Variants in MBNL2 observed in about 807,000 individuals in gnomAD.
MBNL2 encodes the protein muscleblind like splicing regulator 2, also known as muscleblind-like protein 2.
MBNL2 carries 17 observed loss-of-function variants against 41.9 expected under a neutral mutation model. The observed-to-expected ratio is 0.41, with a 90% CI of 0.28 to 0.61. MBNL2 has a LOEUF of 0.61. Ranked by LOEUF, MBNL2 falls within the 20% of genes least tolerant of loss-of-function variation. The pLI is 0.35. For synonymous variants in MBNL2, 195 were observed against 182.9 expected, an observed-to-expected ratio of 1.07 and a Z score of -0.53; for missense variants, 336 against 505.6, an observed-to-expected ratio of 0.66 and a Z score of 3.22.
chr13:97,320,322 C>T (rs1202485864), intron 2 of MBNL2, among the ~76,000 whole-genome samples: 3 of 149,190 alleles, frequency 2.0e-5, no homozygotes, highest in African/African-American at 5.0e-5. Context: ...TGCAATGGTG[C>T]GATCTCGGCT....
At chr13:97,312,829 T>C (rs887025401) in intron 2 of MBNL2, among the ~76,000 whole-genome samples, 2 of 152,250 alleles carry the variant, frequency 1.3e-5, no homozygotes, top group African/African-American at 2.4e-5. Context: ...GAACACACTT[T>C]ACAAAAATTA....
intron 1 of MBNL2, among the ~76,000 whole-genome samples, chr13:97,266,166 T>G (rs1387115742): frequency 6.6e-6 from 1 of 151,980 alleles, no homozygotes; most frequent in Non-Finnish European, 1.5e-5. Context: ...CACTTGAACC[T>G]GGGAGGCGGA....
rs2063827965 is a variant in MBNL2, at chr13:97,366,184, T to C, written c.1048+1013T>C. 6.6e-6 allele frequency among the ~76,000 whole-genome samples: 1 copy of C among 152,236 alleles called. No individual in the cohort carries two copies. The highest frequency in any genetic ancestry group is 1.5e-5 in the Non-Finnish European group (1 of 68,028). On this transcript the variant is annotated intron_variant, in intron 8 of 8. Coordinates refer to ENST00000679496, the MANE Select transcript of MBNL2 (RefSeq NM_001382683.1). The surrounding 1 kb of genome is among the most constrained non-coding windows in gnomAD (Gnocchi z 4.7). ...AATGGATCTATTGTTAGAAATAAAA[T>C]GTTTATAAATACATCAACCAAAGTA...
intron 1 of MBNL2, among the ~76,000 whole-genome samples, chr13:97,273,297 C>T (rs960714144): frequency 4.6e-5 from 7 of 152,126 alleles, no homozygotes; most frequent in Non-Finnish European, 1.0e-4. Context: ...AGAAATATGT[C>T]CTTGTCCTTT....
intron 2 of MBNL2, among the ~76,000 whole-genome samples, chr13:97,307,854 G>A (rs1015857810): frequency 1.3e-5 from 2 of 152,144 alleles, no homozygotes; most frequent in East Asian, 1.9e-4. Context: ...TCGAGGGCAC[G>A]GATCGTATTT....
chr13:97,355,914 G>T (rs984470125), intron 5 of MBNL2, among the ~76,000 whole-genome samples: 1 of 152,108 alleles, frequency 6.6e-6, no homozygotes, highest in Non-Finnish European at 1.5e-5. Flanking sequence ...TTTGATAGCT[G>T]GGGACACTAC....
At chr13:97,319,013 A>T (rs886617993) in intron 2 of MBNL2, among the ~76,000 whole-genome samples, 6 of 152,270 alleles carry the variant, frequency 3.9e-5, no homozygotes, top group African/African-American at 1.4e-4. Flanking sequence ...AAAACCCTGG[A>T]TGGGGACCCT....
chr13:97,290,972 G>T (rs9516897), intron 2 of MBNL2, among the ~76,000 whole-genome samples: 13,283 of 152,150 alleles, frequency 0.087, 650 homozygotes, highest in South Asian at 0.14. Context: ...GAAACAAGAG[G>T]CCTGACATCA....
the MBNL2 span, among the ~76,000 whole-genome samples, chr13:97,144,420 C>CTTTTTT: frequency 9.4e-4 from 82 of 87,568 alleles, 3 homozygotes; most frequent in African/African-American, 4.3e-3. Context: ...AGACATGATA[C>CTTTTTT]TTCTTTTTTT....
chr13:97,222,193 A>T, upstream of MBNL2: 1 of 385,212 alleles, frequency 2.6e-6, no homozygotes, highest in Non-Finnish European at 4.6e-6. Flanking sequence ...TACACACTGC[A>T]AGTGCTGTGT....
In MBNL2 at chr13:97,285,390, C is replaced by T. The variant is rs115484464; in HGVS notation, c.174+8981C>T. On this transcript the variant is annotated intron_variant, in intron 2 of 8. Coordinates refer to ENST00000679496, the MANE Select transcript of MBNL2 (RefSeq NM_001382683.1). Reference sequence around the variant, plus strand: ...GACTCAGCTCTCTGTGTTGGAGAGACGCAGGAATTGCTGGAGACAGCAGAA... The same window carrying T: ...GACTCAGCTCTCTGTGTTGGAGAGATGCAGGAATTGCTGGAGACAGCAGAA... Among the ~76,000 whole-genome samples the T allele has an allele frequency of 6.2e-3, 940 of 152,270 alleles. 7 individuals carry two copies. Among genetic ancestry groups the T allele is most frequent in the African/African-American group, 0.022 (896 of 41,538 alleles).
At chr13:97,206,105 T>A in the MBNL2 span, among the ~76,000 whole-genome samples, 1 of 152,132 alleles carries the variant, frequency 6.6e-6, no homozygotes, top group Admixed American at 6.5e-5. Flanking sequence ...GCTTTAGTGC[T>A]CAGTAAACAT....
At chr13:97,374,067 T>TG (rs1319389601) in intron 8 of MBNL2, among the ~76,000 whole-genome samples, 1 of 103,106 alleles carries the variant, frequency 9.7e-6, no homozygotes, top group Non-Finnish European at 1.9e-5. Context: ...CTTTGCATTT[T>TG]TTTTTTTTTT....
intron 3 of MBNL2, among the ~76,000 whole-genome samples, chr13:97,340,054 A>C (rs1354362206): frequency 6.6e-6 from 1 of 152,124 alleles, no homozygotes; most frequent in Non-Finnish European, 1.5e-5. Context: ...AATTGTTTTC[A>C]CCTGGAAGGC....
intron 8 of MBNL2, among the ~76,000 whole-genome samples, chr13:97,379,974 G>A (rs1432277392): frequency 6.6e-6 from 1 of 152,196 alleles, no homozygotes; most frequent in African/African-American, 2.4e-5. Context: ...AAAGGATTAA[G>A]GAGTGACAAG....
At chr13:97,290,019 A>G (rs541100019) in intron 2 of MBNL2, among the ~76,000 whole-genome samples, 1 of 152,320 alleles carries the variant, frequency 6.6e-6, no homozygotes, top group African/African-American at 2.4e-5. Flanking sequence ...TATAACTGCA[A>G]TCAGTCAAAT....
intron 2 of MBNL2, among the ~76,000 whole-genome samples, chr13:97,285,308 G>T (rs1386671797): frequency 6.6e-6 from 1 of 152,058 alleles, no homozygotes; most frequent in Non-Finnish European, 1.5e-5. Flanking sequence ...TCATTCATTC[G>T]TTCTCTCTTA....
chr13:97,313,505 G>A (rs535747935), intron 2 of MBNL2, among the ~76,000 whole-genome samples: 59 of 152,052 alleles, frequency 3.9e-4, no homozygotes, highest in Non-Finnish European at 7.3e-4. Context: ...ACTTGACATT[G>A]TGAGATTAAA....
chr13:97,317,413 A>T (rs1192249581), intron 2 of MBNL2, among the ~76,000 whole-genome samples: 2 of 152,162 alleles, frequency 1.3e-5, no homozygotes, highest in Non-Finnish European at 2.9e-5. Flanking sequence ...CGTGTTTCAT[A>T]TTGGGGTCAT....
Sources: allele counts gnomAD v4.1 joint callset (sites outside exome capture counted in the v4.1 genomes callset), GRCh38; gene constraint gnomAD v4.1.1; non-coding constraint Gnocchi (gnomAD v3.1); transcripts MANE v1.5; gene names NCBI Gene and HGNC (gene_info 2026-07-23, HGNC 2026-07-21).